The following GPHN variants were observed in gnomAD, a reference collection of about 807,000 sequenced individuals.
The protein encoded by GPHN is gephyrin.
In GPHN, 17 loss-of-function variants were observed where a neutral mutation model predicts 95.5. The observed-to-expected ratio is 0.18, with a 90% CI of 0.12 to 0.27. The LOEUF is 0.27. Among genes scored for constraint, GPHN ranks in the 10% least tolerant of loss-of-function variants. The pLI, the probability that GPHN is intolerant of heterozygous loss-of-function variation, is 1.00. For synonymous variants in GPHN, 320 were observed against 322.5 expected, an observed-to-expected ratio of 0.99 and a Z score of 0.08; for missense variants, 660 against 978.1, an observed-to-expected ratio of 0.67 and a Z score of 4.34.
At chr14:66,673,974 A>C (rs1248397636) in intron 1 of GPHN, among the ~76,000 whole-genome samples, 1 of 152,212 alleles carries the variant, frequency 6.6e-6, no homozygotes, top group African/African-American at 2.4e-5. Flanking sequence ...TCAAACACTT[A>C]ACAATTCTTT....
At chr14:67,128,998 A>G (rs1224069821) in intron 17 of GPHN, among the ~76,000 whole-genome samples, 1 of 150,562 alleles carries the variant, frequency 6.6e-6, no homozygotes, top group African/African-American at 2.4e-5. Context: ...ATTTTTAGTA[A>G]AGACAGGGTT....
chr14:66,654,388 C>A (rs887622946), intron 1 of GPHN, among the ~76,000 whole-genome samples: 1 of 152,160 alleles, frequency 6.6e-6, no homozygotes, highest in African/African-American at 2.4e-5. Context: ...AGCCACCACG[C>A]CTGTTCTTAT....
rs1399697224 is a variant in GPHN, at chr14:66,557,240, GATA to G, written c.64+48650_64+48652del. Reference sequence around the variant, plus strand: ...AGATAGATAGATACATAGGTAGGTAGATAGATAGATAGATAGATAGATAGATAG... The same window carrying G: ...AGATAGATAGATACATAGGTAGGTAGGATAGATAGATAGATAGATAGATAG... On this transcript the variant is annotated intron_variant, in intron 1 of 22. Transcript: ENST00000478722. Among the ~76,000 whole-genome samples the G allele has an allele frequency of 1.1e-3, 98 of 91,330 alleles. 1 individual carries two copies. Among genetic ancestry groups the G allele is most frequent in the African/African-American group, 1.8e-3 (55 of 29,984 alleles). 59.9% of individuals were successfully genotyped at this position (91,330 alleles called of 152,430 possible).
intron 5 of GPHN, among the ~76,000 whole-genome samples, chr14:66,883,680 G>A (rs1309619702): frequency 6.6e-6 from 1 of 152,058 alleles, no homozygotes; most frequent in Non-Finnish European, 1.5e-5. Context: ...CAATTGATCT[G>A]ATTGGGTTCA....
At chr14:67,585,657 A>G in the GPHN span, 1 of 1,546,340 alleles carries the variant, frequency 6.5e-7, no homozygotes, top group Non-Finnish European at 8.8e-7. Flanking sequence ...ACACTATGGT[A>G]TGAAAGGATG....
chr14:67,597,350 T>C, the GPHN span, among the ~76,000 whole-genome samples: 1 of 152,124 alleles, frequency 6.6e-6, no homozygotes, highest in East Asian at 1.9e-4. Flanking sequence ...TGGTGGCACA[T>C]GCCTGTAGTC....
chr14:67,511,508 G>A, the GPHN span, among the ~76,000 whole-genome samples: 17 of 152,010 alleles, frequency 1.1e-4, no homozygotes, highest in African/African-American at 2.9e-4. Context: ...CGAGAATCCC[G>A]AAAAAAATAT....
At chr14:66,788,191 C>A (rs2153469137) in intron 3 of GPHN, among the ~76,000 whole-genome samples, 1 of 152,258 alleles carries the variant, frequency 6.6e-6, no homozygotes, top group African/African-American at 2.4e-5. Context: ...CACCTGTAAT[C>A]CCAGCTACTC....
chr14:67,642,436 C>G, the GPHN span: 1 of 1,520,506 alleles, frequency 6.6e-7, no homozygotes, highest in Non-Finnish European at 8.9e-7. Context: ...GCTTCTTTAT[C>G]TGTTTCTTCA....
chr14:67,442,777 T>C, the GPHN span, among the ~76,000 whole-genome samples: 2 of 152,248 alleles, frequency 1.3e-5, no homozygotes, highest in African/African-American at 4.8e-5. Context: ...CACAGCTTAA[T>C]TCTGCCTGGA....
At chr14:67,294,654 C>G in the GPHN span, 2 of 151,702 alleles carry the variant, frequency 1.3e-5, no homozygotes, top group African/African-American at 2.4e-5. Flanking sequence ...TAAACACAAA[C>G]CAAATTTCTT....
At chr14:67,561,229 A>G in the GPHN span, among the ~76,000 whole-genome samples, 6 of 152,292 alleles carry the variant, frequency 3.9e-5, no homozygotes, top group Admixed American at 6.5e-5. Context: ...AAGATACTCA[A>G]TAAAAGTGTG....
chr14:67,497,974 C>T, the GPHN span, among the ~76,000 whole-genome samples: 2 of 152,068 alleles, frequency 1.3e-5, no homozygotes, highest in East Asian at 3.8e-4. Flanking sequence ...AAACCAATAC[C>T]TCAAGGTCTC....
intron 3 of GPHN, among the ~76,000 whole-genome samples, chr14:66,800,496 T>C (rs1427128085): frequency 2.6e-5 from 4 of 152,226 alleles, no homozygotes; most frequent in Admixed American, 2.6e-4. Flanking sequence ...AAATATGTCA[T>C]GCCCCTCTTT....
At chr14:66,966,040 A>G (rs899901948) in intron 9 of GPHN, among the ~76,000 whole-genome samples, 9 of 152,140 alleles carry the variant, frequency 5.9e-5, no homozygotes, top group African/African-American at 1.4e-4. Context: ...TAAGTTAGTC[A>G]TTTGTGCTTT....
intron 2 of GPHN, among the ~76,000 whole-genome samples, chr14:66,687,362 T>C (rs552452761): frequency 1.8e-4 from 28 of 152,272 alleles, no homozygotes; most frequent in East Asian, 7.7e-4. Flanking sequence ...AATTTTAGGA[T>C]TATTTTTTCT....
chr14:67,061,571 T>C (rs2075824691), intron 11 of GPHN, among the ~76,000 whole-genome samples: 1 of 152,220 alleles, frequency 6.6e-6, no homozygotes, highest in Non-Finnish European at 1.5e-5. Flanking sequence ...TTTCTTCTAA[T>C]ATTTTTGTTT....
intron 1 of GPHN, among the ~76,000 whole-genome samples, chr14:66,617,327 G>A (rs1040393150): frequency 5.9e-5 from 9 of 152,314 alleles, no homozygotes; most frequent in South Asian, 4.1e-4. Context: ...GGGTTGGGAC[G>A]CTAGGGCCCA....
At chr14:67,185,319 C>G (rs1478417983), downstream of GPHN, among the ~76,000 whole-genome samples, 1 of 151,984 alleles carries the variant, frequency 6.6e-6, no homozygotes, top group African/African-American at 2.4e-5. Context: ...CCCAATGTGG[C>G]TGGGAAAGAA....
Sources: gnomAD v4.1 joint callset for allele counts (sites outside exome capture counted in the v4.1 genomes callset) on GRCh38, gnomAD v4.1.1 for gene constraint, MANE v1.5 for transcripts, NCBI Gene and HGNC (gene_info 2026-07-23, HGNC 2026-07-21) for gene names.